The following CD83 variants were observed in gnomAD, a reference collection of about 807,000 sequenced individuals.
The protein encoded by CD83 is CD83 antigen.
In CD83, 22 loss-of-function variants were observed where a neutral mutation model predicts 24.6. The ratio of observed to expected loss-of-function variants is 0.90; its 90% CI spans 0.64 to 1.28. The LOEUF is 1.28. CD83 is among the 50% of genes most tolerant of loss of function. CD83 has a pLI of 0.00. For missense variants in CD83, 253 were observed against 252.8 expected (o/e 1.00, Z -0.01); for synonymous variants, 101 against 103.5 (o/e 0.98, Z 0.14).
chr6:14,129,326 T>G lies in CD83; in HGVS notation c.154-2194T>G, dbSNP rs185431184. ...TGGTCTCTTGAAAGCCCTTGCCTGG[T>G]AGGAAGAAGCCGCTCTGCCAGGCAG... On this transcript the variant is annotated intron_variant, in intron 2 of 4. Coordinates refer to ENST00000379153, the MANE Select transcript of CD83 (RefSeq NM_004233.4). This position sits in a 1 kb window ranked among gnomAD's most constrained non-coding sequence, Gnocchi z 4.3. Among the ~76,000 whole-genome samples, 2 of 152,154 alleles carry G rather than the reference T, an allele frequency of 1.3e-5. No homozygotes were observed. The highest frequency in any genetic ancestry group is 2.1e-4 in the South Asian group (1 of 4,810).
chr6:14,119,701 G>A (rs1245080720), intron 2 of CD83, among the ~76,000 whole-genome samples: 1 of 152,198 alleles, frequency 6.6e-6, no homozygotes, highest in African/African-American at 2.4e-5. Flanking sequence ...GTGCCCCTGG[G>A]CTAACCAGGC....
chr6:14,134,662 C>T (rs1200849586), intron 4 of CD83, among the ~76,000 whole-genome samples: 1 of 152,162 alleles, frequency 6.6e-6, no homozygotes, highest in Non-Finnish European at 1.5e-5. Flanking sequence ...CAGTGAGCAC[C>T]TACTATGTTC....
intron 2 of CD83, among the ~76,000 whole-genome samples, chr6:14,118,362 G>A (rs569302754): frequency 6.6e-6 from 1 of 150,420 alleles, no homozygotes; most frequent in Non-Finnish European, 1.5e-5. Flanking sequence ...ACTCTCATTT[G>A]GATTAATTCT....
chr6:14,130,098 C>T (rs1757851956), intron 2 of CD83, among the ~76,000 whole-genome samples: 1 of 152,026 alleles, frequency 6.6e-6, no homozygotes, highest in Admixed American at 6.6e-5. Flanking sequence ...CTCTTGGGTG[C>T]AGTTATCATG....
chr6:14,134,011 G>A (rs537072776), intron 4 of CD83, among the ~76,000 whole-genome samples: 7 of 152,330 alleles, frequency 4.6e-5, no homozygotes, highest in African/African-American at 1.7e-4. Flanking sequence ...GGACGTTTGG[G>A]AAATGACAAG....
chr6:14,117,621 C>CGGGGACGGGGGCGGG (rs1272710436), upstream of CD83: 2 of 239,524 alleles, frequency 8.3e-6, no homozygotes, highest in Non-Finnish European at 1.4e-5. This position sits in a 1 kb window ranked among gnomAD's most constrained non-coding sequence, Gnocchi z 4.6. Context: ...GGGACGGGGG[C>CGGGGACGGGGGCGGG]GAAGGGGGCG....
intron 2 of CD83, among the ~76,000 whole-genome samples, chr6:14,128,954 A>G (rs1759884730): frequency 6.6e-6 from 1 of 152,222 alleles, no homozygotes; most frequent in African/African-American, 2.4e-5. Flanking sequence ...AACAGTTCCC[A>G]GCAGCTAACA....
intron 2 of CD83, among the ~76,000 whole-genome samples, chr6:14,128,183 C>T (rs1759865005): frequency 6.6e-6 from 1 of 152,152 alleles, no homozygotes; most frequent in African/African-American, 2.4e-5. Context: ...ACTCCGTTTT[C>T]CTCCCACTGA....
At position 14,136,763 on chromosome 6, in the gene CD83, T is replaced by C. The variant is rs1204122265; in HGVS notation, c.*1527T>C. The C allele has an allele frequency of 6.6e-6, 1 of 152,206 alleles. No homozygotes were observed. Among genetic ancestry groups the C allele is most frequent in the African/African-American group, 2.4e-5 (1 of 41,444 alleles). The allele number at this position is 152,206 out of a possible 1,614,324, so 9.4% of individuals were successfully genotyped here. On this transcript the variant is annotated 3_prime_UTR_variant, in exon 5 of 5. Transcript: ENST00000379153. ...ATGGTTACTAGGCTTAATACCTGGG[T>C]GATTACATAATCTGTACAATGAACC...
At chr6:14,128,664 G>A (rs1759879048) in intron 2 of CD83, among the ~76,000 whole-genome samples, 1 of 152,192 alleles carries the variant, frequency 6.6e-6, no homozygotes. Context: ...ATTTTGCCAT[G>A]ATCCCACTGG....
At chr6:14,133,537 G>T in intron 3 of CD83, 112 bp from the exon 4 acceptor site, 1 of 691,378 alleles carries the variant, frequency 1.4e-6, no homozygotes. Context: ...CCTGATGGTG[G>T]GAAGAGGAGA....
intron 4 of CD83, 125 bp downstream of exon 4, chr6:14,133,880 CT>C: frequency 1.2e-5 from 7 of 601,462 alleles, no homozygotes. Flanking sequence ...GAACCCTGGA[CT>C]TTTTGAGGCC....
In CD83 at chr6:14,131,668, A is replaced by G. The variant is rs139563006; in HGVS notation, c.302A>G (p.Asn101Ser). The G allele has an allele frequency of 4.1e-5, 66 of 1,613,964 alleles. No homozygotes were observed. The highest frequency in any genetic ancestry group is 5.3e-5 in the Non-Finnish European group (63 of 1,180,022). The change falls in exon 3 of 5, where the codon AAC becomes AGC. Residue 101 changes from asparagine (N) to serine (S), a missense_variant. Transcript: ENST00000379153. ...SLKIRNTTSCNSGTYRCTLQD... is the reference protein window; with the variant it reads ...SLKIRNTTSCSSGTYRCTLQD... Reference sequence around the variant, plus strand: ...AAGATCCGAAACACTACCAGCTGCAACTCGGGGACATACAGGTGCACTCTG... The same window carrying G: ...AAGATCCGAAACACTACCAGCTGCAGCTCGGGGACATACAGGTGCACTCTG...
intron 4 of CD83, among the ~76,000 whole-genome samples, chr6:14,134,771 A>C (rs1240261882): frequency 6.6e-6 from 1 of 152,260 alleles, no homozygotes; most frequent in African/African-American, 2.4e-5. Context: ...TTATTTGCGT[A>C]TAAGAAGATA....
At chr6:14,123,166 C>T (rs574578048) in intron 2 of CD83, among the ~76,000 whole-genome samples, 12 of 151,006 alleles carry the variant, frequency 7.9e-5, no homozygotes, top group Non-Finnish European at 1.2e-4. Flanking sequence ...GGTGTGATCT[C>T]AGCTCACTGC....
Position 14,133,602 on chromosome 6 carries a change from G to C in CD83, c.383-47G>C, listed in dbSNP as rs778235738. On this transcript the variant is annotated intron_variant, in intron 3 of 4. Transcript: ENST00000379153. Reference sequence around the variant, plus strand: ...GCATTCTTAGCTTTTTTTCATGGTAGAAAAATCCTGTTAAAATGGCTTCAC... The same window carrying C: ...GCATTCTTAGCTTTTTTTCATGGTACAAAAATCCTGTTAAAATGGCTTCAC... The C allele has an allele frequency of 2.0e-5, 27 of 1,330,402 alleles. No individual in the cohort carries two copies. The Middle Eastern group carries it at 5.5e-4, about 27-fold the overall frequency. 82.4% of individuals were successfully genotyped at this position (1,330,402 alleles called of 1,614,324 possible).
rs1179252576 is a variant in CD83 at position 14,135,326 on chromosome 6, T to G, written c.*90T>G. On this transcript the variant is annotated 3_prime_UTR_variant, in exon 5 of 5. Transcript: ENST00000379153. ...GGAGGAGAGAAGAATGAGCCTACGC[T>G]GAAGATGGCATCCTGTGAAGTCCTT... The G allele has an allele frequency of 3.6e-6, 5 of 1,387,094 alleles. No individual in the cohort carries two copies. In the African/African-American group the frequency reaches 7.2e-5, roughly 20 times the overall value. The allele number at this position is 1,387,094 out of a possible 1,614,324, so 85.9% of individuals were successfully genotyped here. A position where few individuals can be genotyped will look rare whatever the true frequency, so the allele number is the denominator to read the frequency against.
chr6:14,134,293 G>A (rs11753056), intron 4 of CD83, among the ~76,000 whole-genome samples: 3,686 of 152,344 alleles, frequency 0.024, 68 homozygotes, highest in Middle Eastern at 0.061. Context: ...GGAGGCTTCC[G>A]GGGTGCAGGA....
intron 2 of CD83, among the ~76,000 whole-genome samples, chr6:14,120,841 A>G (rs752819899): frequency 4.3e-4 from 65 of 152,248 alleles, no homozygotes; most frequent in Non-Finnish European, 4.7e-4. Context: ...CTCAAAACAG[A>G]CAGCATCCAA....
Sources: gnomAD v4.1 joint callset for allele counts (sites outside exome capture counted in the v4.1 genomes callset) on GRCh38, gnomAD v4.1.1 for gene constraint, Gnocchi (gnomAD v3.1) non-coding constraint, MANE v1.5 for transcripts, NCBI Gene and HGNC (gene_info 2026-07-23, HGNC 2026-07-21) for gene names.